Variants in RFX3 observed in about 807,000 individuals in gnomAD.
RFX3 encodes the protein transcription factor RFX3.
A neutral mutation model predicts 98.6 loss-of-function variants in RFX3; 14 were observed. The ratio of observed to expected loss-of-function variants is 0.14; its 90% CI spans 0.09 to 0.22. The LOEUF (loss-of-function observed/expected upper bound fraction) is 0.22. Ranked by LOEUF, RFX3 falls within the 10% of genes least tolerant of loss-of-function variation. The pLI is 1.00. For synonymous variants in RFX3, 383 were observed against 328.4 expected (o/e 1.17, Z -1.80); for missense variants, 639 against 926.9 (o/e 0.69, Z 4.03).
intron 13 of RFX3, among the ~76,000 whole-genome samples, chr9:3,261,926 T>G (rs959392917): frequency 1.3e-5 from 2 of 152,196 alleles, no homozygotes; most frequent in African/African-American, 4.8e-5. Flanking sequence ...TTTAATGTGA[T>G]TATTGGCCAT....
chr9:3,493,664 A>T (rs1328298839), intron 1 of RFX3, among the ~76,000 whole-genome samples: 7 of 137,124 alleles, frequency 5.1e-5, no homozygotes, highest in African/African-American at 8.3e-5. Flanking sequence ...AGCCTGGGCG[A>T]CAAAGCGAGA....
At chr9:3,366,228 T>C (rs973531247) in intron 2 of RFX3, among the ~76,000 whole-genome samples, 3 of 152,128 alleles carry the variant, frequency 2.0e-5, no homozygotes, top group Admixed American at 6.5e-5. Flanking sequence ...TAGGTGAGCA[T>C]TTTATGCCCC....
chr9:3,314,391 A>G (rs531281273), intron 4 of RFX3, among the ~76,000 whole-genome samples: 95 of 152,340 alleles, frequency 6.2e-4, no homozygotes, highest in African/African-American at 2.1e-3. Context: ...ATGGAAACAA[A>G]TAACTGGTAC....
chr9:3,286,823 A>G (rs991497416), intron 7 of RFX3, among the ~76,000 whole-genome samples: 5 of 152,008 alleles, frequency 3.3e-5, no homozygotes, highest in East Asian at 3.9e-4. Flanking sequence ...TATGTCATGG[A>G]CCATTTACCA....
intron 14 of RFX3, among the ~76,000 whole-genome samples, chr9:3,252,201 C>T (rs929877502): frequency 1.3e-5 from 2 of 152,164 alleles, no homozygotes; most frequent in African/African-American, 4.8e-5. Flanking sequence ...GCAAATTCAA[C>T]TTTTTCCAAT....
chr9:3,257,023 G>A lies in RFX3; in HGVS notation c.1782C>T (p.Ala594=). ...AAGACCATTTTAGCAGAAACTGCCT[G>A]GCGGCTTTAGGAAAACTGGGTCTTC... The part of the protein sequence containing the change: ...YEGRPSFPKA[A]RQFLLKWSFY... Residue 594 remains alanine, a synonymous_variant, in exon 14 of 17, where the codon GCC becomes GCT. Transcript: ENST00000617270. 1 of 1,614,040 alleles carries A rather than the reference G, an allele frequency of 6.2e-7. No individual in the cohort carries two copies. The highest frequency in any genetic ancestry group is 8.5e-7 in the Non-Finnish European group (1 of 1,179,972).
At chr9:3,428,682 A>T (rs1844345877) in intron 1 of RFX3, among the ~76,000 whole-genome samples, 1 of 152,178 alleles carries the variant, frequency 6.6e-6, no homozygotes, top group Non-Finnish European at 1.5e-5. Context: ...CAACCAACAG[A>T]ATATAAAGGT....
intron 1 of RFX3, among the ~76,000 whole-genome samples, chr9:3,402,806 G>C (rs1210071117): frequency 1.3e-5 from 2 of 151,806 alleles, no homozygotes; most frequent in African/African-American, 4.8e-5. Flanking sequence ...AAAATGAGCA[G>C]TGCTTTTGGG....
At chr9:3,244,455 T>C (rs751439174) in intron 15 of RFX3, among the ~76,000 whole-genome samples, 1 of 152,208 alleles carries the variant, frequency 6.6e-6, no homozygotes, top group Non-Finnish European at 1.5e-5. Context: ...TTTGACTTTT[T>C]ATCCTAATTC....
intron 4 of RFX3, among the ~76,000 whole-genome samples, chr9:3,328,072 C>T (rs976517005): frequency 6.6e-6 from 1 of 151,972 alleles, no homozygotes; most frequent in Non-Finnish European, 1.5e-5. Context: ...GTAGGAATAC[C>T]TAGAAGAGGT....
chr9:3,515,787 T>C (rs1218555561), intron 1 of RFX3, among the ~76,000 whole-genome samples: 1 of 152,194 alleles, frequency 6.6e-6, no homozygotes, highest in East Asian at 1.9e-4. Flanking sequence ...CAAATGCTAT[T>C]AGGCATGCAA....
chr9:3,420,639 G>T, intron 1 of RFX3: 1 of 256,928 alleles, frequency 3.9e-6, no homozygotes, highest in Non-Finnish European at 6.1e-6. Flanking sequence ...TCTTTCAGCT[G>T]CATCACCGTA....
intron 1 of RFX3, among the ~76,000 whole-genome samples, chr9:3,476,917 G>A (rs1007565380): frequency 6.6e-6 from 1 of 151,936 alleles, no homozygotes; most frequent in African/African-American, 2.4e-5. Context: ...AAATGACCTT[G>A]GGCAAGTCAC....
rs529851234 is a variant in RFX3, at chr9:3,491,911, C to T, written c.-9+33836G>A. 1.5e-3 allele frequency among the ~76,000 whole-genome samples: 228 copies of T among 152,296 alleles called. 1 individual carries two copies. The highest frequency in any genetic ancestry group is 5.3e-3 in the African/African-American group (219 of 41,568). ...AAATATATAATACAGTCTCCCCATA[C>T]TAATAGTTTACAGATGACCATGCTA... On this transcript the variant is annotated intron_variant, in intron 1 of 16. Transcript: ENST00000617270.
chr9:3,236,551 C>T (rs577720059), intron 15 of RFX3, among the ~76,000 whole-genome samples: 1 of 152,328 alleles, frequency 6.6e-6, no homozygotes, highest in Admixed American at 6.5e-5. Flanking sequence ...TTGGAAAGCC[C>T]TCTGTGTCAG....
intron 1 of RFX3, among the ~76,000 whole-genome samples, chr9:3,415,548 G>A (rs1019359449): frequency 3.3e-5 from 5 of 152,108 alleles, no homozygotes; most frequent in Non-Finnish European, 7.4e-5. Flanking sequence ...TGCTGGGAAA[G>A]ATCCCAAGAA....
intron 1 of RFX3, among the ~76,000 whole-genome samples, chr9:3,407,100 C>T (rs996502297): frequency 6.6e-6 from 1 of 152,094 alleles, no homozygotes; most frequent in South Asian, 2.1e-4. Context: ...ACTCAGATAT[C>T]GTTAATTTTC....
At chr9:3,474,919 G>A (rs1460078712) in intron 1 of RFX3, among the ~76,000 whole-genome samples, 1 of 152,042 alleles carries the variant, frequency 6.6e-6, no homozygotes, top group Non-Finnish European at 1.5e-5. Context: ...GGGCAACACA[G>A]GAAGATCCCA....
chr9:3,454,107 T>A (rs1440915719), intron 1 of RFX3, among the ~76,000 whole-genome samples: 1 of 152,222 alleles, frequency 6.6e-6, no homozygotes, highest in African/African-American at 2.4e-5. Flanking sequence ...CACGCACTCT[T>A]TGCTATGAAT....
Sources: allele counts gnomAD v4.1 joint callset (sites outside exome capture counted in the v4.1 genomes callset), GRCh38; gene constraint gnomAD v4.1.1; transcripts MANE v1.5; gene names NCBI Gene and HGNC (gene_info 2026-07-23, HGNC 2026-07-21).